The following SAMMSON variants were observed in gnomAD, a reference collection of about 807,000 sequenced individuals.
SAMMSON encodes the protein long intergenic non-protein coding RNA 1212.
chr3:70,171,859 C>T (rs555226286), intron 4 of SAMMSON, among the ~76,000 whole-genome samples: 1 of 151,920 alleles, frequency 6.6e-6, no homozygotes, highest in South Asian at 2.1e-4. Context: ...CAGGAAGACA[C>T]CTGGCGTATT....
intron 4 of SAMMSON, among the ~76,000 whole-genome samples, chr3:70,105,195 T>A (rs1189738802): frequency 1.3e-5 from 2 of 152,176 alleles, no homozygotes; most frequent in African/African-American, 4.8e-5. Flanking sequence ...ATTGACTAAT[T>A]CACTTTGCTT....
At chr3:70,168,823 G>T (rs549231050) in intron 4 of SAMMSON, among the ~76,000 whole-genome samples, 2 of 151,908 alleles carry the variant, frequency 1.3e-5, no homozygotes, top group Non-Finnish European at 2.9e-5. Flanking sequence ...TCTAAAGGGG[G>T]TTATTGGTTA....
At chr3:70,306,621 C>T (rs1702403503) in intron 7 of SAMMSON, among the ~76,000 whole-genome samples, 1 of 151,948 alleles carries the variant, frequency 6.6e-6, no homozygotes, top group East Asian at 1.9e-4. Context: ...TGAATTTTCC[C>T]ATTTGGGTAC....
chr3:70,316,135 A>G (rs1347361741), intron 7 of SAMMSON, among the ~76,000 whole-genome samples: 1 of 152,182 alleles, frequency 6.6e-6, no homozygotes, highest in African/African-American at 2.4e-5. Context: ...AGGGCAAACT[A>G]TCCAGCAGAA....
chr3:70,161,459 A>G (rs1469929443), intron 4 of SAMMSON, among the ~76,000 whole-genome samples: 1 of 151,934 alleles, frequency 6.6e-6, no homozygotes, highest in Admixed American at 6.6e-5. Flanking sequence ...CTCTGTTACT[A>G]TGGTGTTTTA....
At chr3:70,017,130 A>G (rs1399273673) in intron 3 of SAMMSON, among the ~76,000 whole-genome samples, 1 of 152,158 alleles carries the variant, frequency 6.6e-6, no homozygotes, top group African/African-American at 2.4e-5. Context: ...GAAGAAAGTC[A>G]TCGGTAGCTT....
At chr3:70,004,402 T>C (rs985171354) in intron 1 of SAMMSON, among the ~76,000 whole-genome samples, 5 of 152,096 alleles carry the variant, frequency 3.3e-5, no homozygotes, top group Admixed American at 2.6e-4. Context: ...TAAAAAGATA[T>C]CAGAAAAATT....
At chr3:70,304,078 C>T (rs1255393953) in intron 7 of SAMMSON, among the ~76,000 whole-genome samples, 1 of 152,080 alleles carries the variant, frequency 6.6e-6, no homozygotes, top group Non-Finnish European at 1.5e-5. Flanking sequence ...GAGTTTATTG[C>T]AATCCCAAAT....
intron 4 of SAMMSON, among the ~76,000 whole-genome samples, chr3:70,229,673 C>T (rs1277572288): frequency 1.3e-5 from 2 of 152,148 alleles, no homozygotes; most frequent in Admixed American, 6.5e-5. Context: ...TGGTAGACAA[C>T]TCTGATGAGC....
At chr3:70,391,771 A>T (rs141279881), downstream of SAMMSON, among the ~76,000 whole-genome samples, 131 of 152,294 alleles carry the variant, frequency 8.6e-4, 2 homozygotes, top group African/African-American at 3.1e-3. Flanking sequence ...GAATTTAGTT[A>T]TACAGTTAAA....
At chr3:70,237,698 C>G (rs1701623831) in intron 4 of SAMMSON, among the ~76,000 whole-genome samples, 1 of 152,190 alleles carries the variant, frequency 6.6e-6, no homozygotes, top group Non-Finnish European at 1.5e-5. Flanking sequence ...AACATGTATA[C>G]ACACACAGAT....
At chr3:70,260,758 C>T (rs977895293) in intron 6 of SAMMSON, among the ~76,000 whole-genome samples, 14 of 152,004 alleles carry the variant, frequency 9.2e-5, no homozygotes, top group Admixed American at 7.2e-4. Flanking sequence ...TGGTAATGAA[C>T]TCACTTCTCA....
chr3:70,258,903 A>T (rs1701841504), intron 6 of SAMMSON, among the ~76,000 whole-genome samples: 2 of 152,074 alleles, frequency 1.3e-5, no homozygotes, highest in Non-Finnish European at 2.9e-5. Context: ...TTTTTCTTCA[A>T]TTTCTTTAAT....
intron 7 of SAMMSON, among the ~76,000 whole-genome samples, chr3:70,303,550 T>C (rs555685392): frequency 6.6e-6 from 1 of 152,324 alleles, no homozygotes; most frequent in East Asian, 1.9e-4. Context: ...ACTCTTGCAT[T>C]TTCCAATAAA....
chr3:70,189,974 C>A (rs901377828), intron 4 of SAMMSON, among the ~76,000 whole-genome samples: 1 of 152,114 alleles, frequency 6.6e-6, no homozygotes, highest in African/African-American at 2.4e-5. Flanking sequence ...ATTTGTTCCC[C>A]TGGAATATTA....
chr3:70,166,910 A>T (rs985001151), intron 4 of SAMMSON, among the ~76,000 whole-genome samples: 1 of 151,976 alleles, frequency 6.6e-6, no homozygotes, highest in Non-Finnish European at 1.5e-5. Flanking sequence ...TATATTTTAT[A>T]GGCATTATTC....
At chr3:70,121,735 C>G (rs936118752) in intron 4 of SAMMSON, among the ~76,000 whole-genome samples, 2 of 152,162 alleles carry the variant, frequency 1.3e-5, no homozygotes. Context: ...GTTTCTGGTG[C>G]TGGTGCTGCC....
chr3:70,237,419 T>C (rs529747587), intron 4 of SAMMSON, among the ~76,000 whole-genome samples: 7 of 152,366 alleles, frequency 4.6e-5, no homozygotes, highest in Admixed American at 2.0e-4. Flanking sequence ...TATCTTGACC[T>C]CTTTGTGCAT....
intron 6 of SAMMSON, among the ~76,000 whole-genome samples, chr3:70,273,530 T>C (rs1001032450): frequency 1.3e-5 from 2 of 152,100 alleles, no homozygotes; most frequent in Admixed American, 6.5e-5. Flanking sequence ...TATCACCTAA[T>C]TGGGAAAAGG....
Sources: allele counts gnomAD v4.1 joint callset (sites outside exome capture counted in the v4.1 genomes callset), GRCh38; gene constraint gnomAD v4.1.1; transcripts MANE v1.5; gene names NCBI Gene and HGNC (gene_info 2026-07-23, HGNC 2026-07-21).